ZNF605: variants seen among roughly 807,000 people sequenced by gnomAD.
ZNF605 encodes zinc finger protein 605.
Under a neutral mutation model 7.9 loss-of-function variants are expected in ZNF605, and 9 were observed. The ratio of observed to expected loss-of-function variants is 1.14; its 90% CI spans 0.68 to 1.98. The LOEUF (loss-of-function observed/expected upper bound fraction) is 1.98, where lower values mean the gene tolerates loss of function less well. ZNF605 is among the 30% of genes most tolerant of loss of function. ZNF605 has a pLI of 0.00. For synonymous variants in ZNF605, 255 were observed against 260.1 expected, an observed-to-expected ratio of 0.98 and a Z score of 0.19; for missense variants, 673 against 762.4, an observed-to-expected ratio of 0.88 and a Z score of 1.38.
chr12:132,937,947 G>A (rs1045748898), intron 3 of ZNF605, among the ~76,000 whole-genome samples: 31 of 152,110 alleles, frequency 2.0e-4, no homozygotes, highest in African/African-American at 6.8e-4. Context: ...AAAAGCCACT[G>A]TCAAAAGGTC....
chr12:132,920,323 T>C lies in ZNF605; in HGVS notation c.*5050A>G, dbSNP rs1470452692. 1 of 152,034 alleles carries C rather than the reference T, an allele frequency of 6.6e-6. No individual in the cohort carries two copies. The highest frequency in any genetic ancestry group is 2.4e-5 in the African/African-American group (1 of 41,346). The allele number at this position is 152,034 out of a possible 1,614,324, so 9.4% of individuals were successfully genotyped here. On this transcript the variant is annotated 3_prime_UTR_variant, in exon 5 of 5. Transcript: ENST00000360187. ...CCTGGCTAATTTTTTGTATTTTTAG[T>C]AGAGACGGGGTTTCACCGTGTTAGC... is the stretch of plus-strand genomic sequence containing the variant.
intron 3 of ZNF605, chr12:132,945,153 G>T: frequency 4.3e-6 from 2 of 467,378 alleles, no homozygotes; most frequent in Non-Finnish European, 3.9e-6. Flanking sequence ...CAGTAGAGAC[G>T]GGGTTTTGCC....
chr12:132,945,201 T>C, intron 3 of ZNF605: 2 of 568,806 alleles, frequency 3.5e-6, no homozygotes, highest in Non-Finnish European at 6.2e-6. Context: ...TGACCTCAAA[T>C]GATCTGCCCT....
intron 1 of ZNF605, among the ~76,000 whole-genome samples, chr12:132,953,447 A>G (rs1952594124): frequency 6.6e-6 from 1 of 152,198 alleles, no homozygotes; most frequent in African/African-American, 2.4e-5. Context: ...ATCTTTTTTA[A>G]GATGGAGTCT....
intron 3 of ZNF605, among the ~76,000 whole-genome samples, chr12:132,944,586 G>A (rs2137154509): frequency 6.6e-6 from 1 of 152,332 alleles, no homozygotes; most frequent in African/African-American, 2.4e-5. Flanking sequence ...GGTGATTTAA[G>A]TTTCTTTCCT....
At chr12:132,934,509 C>T (rs1468199719) in intron 3 of ZNF605, among the ~76,000 whole-genome samples, 1 of 151,774 alleles carries the variant, frequency 6.6e-6, no homozygotes, top group African/African-American at 2.4e-5. Flanking sequence ...AGTTGGAGAC[C>T]AGCCTGGCCA....
At chr12:132,940,506 C>A (rs1188394434) in intron 3 of ZNF605, among the ~76,000 whole-genome samples, 1 of 152,064 alleles carries the variant, frequency 6.6e-6, no homozygotes, top group Non-Finnish European at 1.5e-5. Context: ...ATGATGTGGT[C>A]CCCGGTCCTG....
chr12:132,931,080 A>G (rs1253685274), intron 4 of ZNF605, among the ~76,000 whole-genome samples: 1 of 152,142 alleles, frequency 6.6e-6, no homozygotes, highest in African/African-American at 2.4e-5. Flanking sequence ...TGGGGAGGCT[A>G]AAGTGGGAGG....
intron 1 of ZNF605, among the ~76,000 whole-genome samples, chr12:132,951,024 C>T (rs111205344): frequency 0.019 from 2,839 of 149,692 alleles, 91 homozygotes; most frequent in African/African-American, 0.065. Context: ...ACTGATAACA[C>T]GTACATCACA....
Position 132,919,132 on chromosome 12 carries a change from T to C in ZNF605, c.*6241A>G, listed in dbSNP as rs532054381. 8.1e-4 allele frequency: 124 copies of C among 152,378 alleles called. No individual in the cohort carries two copies. The highest frequency in any genetic ancestry group is 2.8e-3 in the African/African-American group (118 of 41,594). The allele number at this position is 152,378 out of a possible 1,614,324, so 9.4% of individuals were successfully genotyped here. ...CTCCTTTCACATGAGCACGCACTAA[T>C]GAAAATAAAAAGTTAATTCACTTCT... On this transcript the variant is annotated 3_prime_UTR_variant, in exon 5 of 5. Transcript: ENST00000360187.
chr12:132,932,589 T>A, intron 4 of ZNF605: 1 of 620,324 alleles, frequency 1.6e-6, no homozygotes, highest in South Asian at 2.4e-5. Flanking sequence ...CAATCTTGAG[T>A]CAACTCTAAA....
chr12:132,944,354 G>A (rs959819601), intron 3 of ZNF605, among the ~76,000 whole-genome samples: 9 of 152,162 alleles, frequency 5.9e-5, no homozygotes, highest in Non-Finnish European at 1.3e-4. Context: ...AAGGGTGAGA[G>A]GGGAGAGGCT....
intron 3 of ZNF605, chr12:132,945,266 G>A: frequency 1.3e-6 from 1 of 749,674 alleles, no homozygotes; most frequent in South Asian, 1.7e-5. Context: ...GCCCAGCTGA[G>A]ACTTTTGTAT....
rs1952250771 is a variant in ZNF605 at position 132,926,648 on chromosome 12, T to A, written c.651A>T (p.Arg217Ser). ...SQKSLLTVHQ[R>S]THSGEKPHGC... ...CATGCGGTTTTTCTCCTGAGTGAGTTCTTTGATGAACCGTGAGCAGTGACT... is the reference window on the plus strand; with the variant it reads ...CATGCGGTTTTTCTCCTGAGTGAGTACTTTGATGAACCGTGAGCAGTGACT... The change falls in exon 5 of 5, where the codon AGA becomes AGT. Residue 217 changes from arginine to serine, a missense_variant. Arg to Ser is a moderately radical substitution (Grantham distance 110). Coordinates refer to ENST00000360187, the MANE Select transcript of ZNF605 (RefSeq NM_183238.4). 2.5e-6 allele frequency: 4 copies of A among 1,614,078 alleles called. No homozygotes were observed.
chr12:132,950,998 A>T (rs957167848), intron 1 of ZNF605, among the ~76,000 whole-genome samples: 4 of 152,068 alleles, frequency 2.6e-5, no homozygotes, highest in African/African-American at 9.7e-5. Context: ...CATCACACGC[A>T]GACATGTACA....
chr12:132,950,735 GAC>G (rs770420519), intron 1 of ZNF605, among the ~76,000 whole-genome samples: 5 of 148,426 alleles, frequency 3.4e-5, no homozygotes, highest in Non-Finnish European at 7.5e-5. Context: ...ACATCACACA[GAC>G]ATGTACAGAC....
chr12:132,953,138 C>T (rs754575880), intron 1 of ZNF605, among the ~76,000 whole-genome samples: 2 of 152,156 alleles, frequency 1.3e-5, no homozygotes, highest in African/African-American at 4.8e-5. Context: ...GACCTCCAGA[C>T]CACACAACCA....
intron 4 of ZNF605, among the ~76,000 whole-genome samples, chr12:132,929,739 G>A (rs1952286962): frequency 6.6e-6 from 1 of 152,086 alleles, no homozygotes; most frequent in African/African-American, 2.4e-5. Context: ...GAGGTCAAGG[G>A]ATCGAGACCA....
chr12:132,945,581 G>C, intron 3 of ZNF605, 40 bp downstream of exon 3: 1 of 1,236,858 alleles, frequency 8.1e-7, no homozygotes, highest in African/African-American at 1.5e-5. Flanking sequence ...ACCTGTGACT[G>C]GATCATTTTC....
Sources: allele counts gnomAD v4.1 joint callset (sites outside exome capture counted in the v4.1 genomes callset), GRCh38; gene constraint gnomAD v4.1.1; transcripts MANE v1.5; gene names NCBI Gene and HGNC (gene_info 2026-07-23, HGNC 2026-07-21).